ZNF704: variants seen among roughly 807,000 people sequenced by gnomAD.
ZNF704 encodes the protein zinc finger protein 704, also known as glucocorticoid induced gene 1.
In ZNF704, 10 loss-of-function variants were observed where a neutral mutation model predicts 44.7. That is an observed-to-expected ratio of 0.22 (90% CI 0.14 to 0.38). The LOEUF is 0.38. Ranked by LOEUF, ZNF704 falls within the 10% of genes least tolerant of loss-of-function variation. ZNF704 has a pLI of 1.00. For synonymous variants in ZNF704, 211 were observed against 207.6 expected (o/e 1.02, Z -0.14); for missense variants, 390 against 545.5 (o/e 0.71, Z 2.84).
At chr8:80,729,764 T>C (rs1467273626) in intron 2 of ZNF704, among the ~76,000 whole-genome samples, 1 of 152,206 alleles carries the variant, frequency 6.6e-6, no homozygotes, top group Admixed American at 6.5e-5. Context: ...AACATAGTCA[T>C]GGCTTTGGGA....
chr8:80,755,117 AACTTCCAGGAT>A (rs1807012726), intron 2 of ZNF704, among the ~76,000 whole-genome samples: 1 of 152,190 alleles, frequency 6.6e-6, no homozygotes, highest in Non-Finnish European at 1.5e-5. Flanking sequence ...GCATGCACTC[AACTTCCAGGAT>A]ATATCCAGGA....
chr8:80,825,682 C>A (rs932155650), intron 1 of ZNF704, among the ~76,000 whole-genome samples: 1 of 152,176 alleles, frequency 6.6e-6, no homozygotes, highest in Non-Finnish European at 1.5e-5. Context: ...GGAAGTAAAG[C>A]ACTCCTCAGC....
At chr8:80,656,416 C>T (rs1181268970) in intron 7 of ZNF704, among the ~76,000 whole-genome samples, 1 of 152,042 alleles carries the variant, frequency 6.6e-6, no homozygotes, top group East Asian at 1.9e-4. Context: ...AGTTTTCTGT[C>T]ATGAAAAGAG....
intron 2 of ZNF704, among the ~76,000 whole-genome samples, chr8:80,804,293 A>G (rs1807950126): frequency 6.6e-6 from 1 of 152,186 alleles, no homozygotes; most frequent in Non-Finnish European, 1.5e-5. Context: ...AGAAGCAGAC[A>G]TACCATTTAA....
chr8:80,840,573 C>T (rs1195297224), intron 1 of ZNF704, among the ~76,000 whole-genome samples: 2 of 152,124 alleles, frequency 1.3e-5, no homozygotes, highest in Non-Finnish European at 2.9e-5. Flanking sequence ...CATATTATTT[C>T]ACTCCAATAC....
Position 80,643,787 on chromosome 8 carries a change from C to T in ZNF704, c.1033-658G>A, listed in dbSNP as rs998803917. On this transcript the variant is annotated intron_variant, in intron 7 of 8. Transcript: ENST00000327835. ...CTATTTCTTTTGATCCTCATGAACC[C>T]TGTCAAGTAGGGCAAGGCTCATGAT... Among the ~76,000 whole-genome samples the T allele has an allele frequency of 2.6e-5, 4 of 152,106 alleles. 1 individual carries two copies. Among genetic ancestry groups the T allele is most frequent in the African/African-American group, 9.7e-5 (4 of 41,434 alleles).
chr8:80,864,650 C>T (rs1478302072), intron 1 of ZNF704, among the ~76,000 whole-genome samples: 3 of 152,134 alleles, frequency 2.0e-5, no homozygotes, highest in Non-Finnish European at 2.9e-5. Context: ...TAGAGGTACA[C>T]TTTGGGCCAC....
chr8:80,815,122 G>A (rs539223079), intron 2 of ZNF704, among the ~76,000 whole-genome samples: 4 of 152,218 alleles, frequency 2.6e-5, no homozygotes, highest in East Asian at 1.9e-4. Flanking sequence ...AGAATGGCAC[G>A]CTATAAGGAG....
chr8:80,656,350 G>C (rs1375656584), intron 7 of ZNF704, among the ~76,000 whole-genome samples: 2 of 152,198 alleles, frequency 1.3e-5, no homozygotes, highest in African/African-American at 2.4e-5. Context: ...AAGCTGCCAA[G>C]TCTGTGGTAT....
chr8:80,679,691 G>A (rs1818422289), intron 4 of ZNF704, among the ~76,000 whole-genome samples: 1 of 152,178 alleles, frequency 6.6e-6, no homozygotes, highest in South Asian at 2.1e-4. Context: ...GGAACAGAGG[G>A]AGGCCACCAT....
chr8:80,845,773 T>C (rs1194362640), intron 1 of ZNF704, among the ~76,000 whole-genome samples: 2 of 152,146 alleles, frequency 1.3e-5, no homozygotes, highest in African/African-American at 4.8e-5. Flanking sequence ...TGTTAATGGC[T>C]TGAGCGATGC....
intron 3 of ZNF704, among the ~76,000 whole-genome samples, chr8:80,690,543 T>C (rs1218417815): frequency 1.3e-5 from 2 of 152,182 alleles, no homozygotes; most frequent in Non-Finnish European, 2.9e-5. Context: ...TACAGGCGTG[T>C]TACCATACCT....
At chr8:80,659,397 T>C (rs1337061761) in intron 7 of ZNF704, among the ~76,000 whole-genome samples, 188 bp downstream of exon 7, 2 of 152,232 alleles carry the variant, frequency 1.3e-5, no homozygotes, top group Non-Finnish European at 2.9e-5. Context: ...TTTTCTGAAA[T>C]GCCAGTCAAA....
At chr8:80,752,572 G>A (rs894090626) in intron 2 of ZNF704, among the ~76,000 whole-genome samples, 4 of 151,472 alleles carry the variant, frequency 2.6e-5, no homozygotes, top group Non-Finnish European at 5.9e-5. Flanking sequence ...ACAGAGTTTC[G>A]TTCTTGTTGC....
At chr8:80,743,428 A>G (rs1806796340) in intron 2 of ZNF704, among the ~76,000 whole-genome samples, 1 of 152,214 alleles carries the variant, frequency 6.6e-6, no homozygotes, top group Admixed American at 6.5e-5. Flanking sequence ...AAATAAATAT[A>G]AACTAATAGT....
intron 6 of ZNF704, 117 bp from the exon 7 acceptor site, chr8:80,659,806 C>A (rs1016081800): frequency 1.4e-5 from 11 of 804,674 alleles, no homozygotes; most frequent in Non-Finnish European, 2.2e-5. Flanking sequence ...ATAACTTGGA[C>A]TAATTATCTA....
At chr8:80,674,816 C>T (rs1353142256) in intron 4 of ZNF704, among the ~76,000 whole-genome samples, 1 of 152,160 alleles carries the variant, frequency 6.6e-6, no homozygotes, top group Non-Finnish European at 1.5e-5. Context: ...ATGCTTCCTG[C>T]CCATTTTTCA....
chr8:80,710,079 T>C (rs1818961084), intron 2 of ZNF704, among the ~76,000 whole-genome samples: 1 of 152,170 alleles, frequency 6.6e-6, no homozygotes, highest in South Asian at 2.1e-4. Flanking sequence ...TGGGTGGCAC[T>C]TGCTGTCATG....
intron 2 of ZNF704, among the ~76,000 whole-genome samples, chr8:80,796,687 T>C (rs1174925924): frequency 2.0e-5 from 3 of 151,638 alleles, no homozygotes; most frequent in African/African-American, 4.9e-5. Flanking sequence ...AGGCATAGAG[T>C]GGACATTCCC....
Sources: allele counts gnomAD v4.1 joint callset (sites outside exome capture counted in the v4.1 genomes callset), GRCh38; gene constraint gnomAD v4.1.1; transcripts MANE v1.5; gene names NCBI Gene and HGNC (gene_info 2026-07-23, HGNC 2026-07-21).